SEMA6B: variants seen among roughly 807,000 people sequenced by gnomAD.
SEMA6B encodes the protein semaphorin 6B.
SEMA6B carries 47 observed loss-of-function variants against 78.6 expected under a neutral mutation model. The ratio of observed to expected loss-of-function variants is 0.60; its 90% CI spans 0.47 to 0.76. The LOEUF (loss-of-function observed/expected upper bound fraction) is 0.76. Among genes scored for constraint, SEMA6B ranks in the 30% least tolerant of loss-of-function variants. The pLI, the probability that SEMA6B is intolerant of heterozygous loss-of-function variation, is 0.00. For missense variants in SEMA6B, 1,213 were observed against 1,269.9 expected (o/e 0.96, Z 0.68); for synonymous variants, 632 against 592.2 (o/e 1.07, Z -0.98).
Position 4,559,580 on chromosome 19 carries a change from G to A in SEMA6B, c.-83C>T, listed in dbSNP as rs1352743746. ...GGAGCCCCGAATGAGAAGTTCAGCA[G>A]CCTCGTCCTTCTGGGAAGTATTGGG... On this transcript the variant is annotated 5_prime_UTR_variant, in exon 1 of 17. Coordinates refer to ENST00000586582, the MANE Select transcript of SEMA6B (RefSeq NM_032108.4). The A allele has an allele frequency of 6.6e-6, 1 of 152,286 alleles. No individual in the cohort carries two copies. The allele number at this position is 152,286 out of a possible 1,614,324, so 9.4% of individuals were successfully genotyped here.
At chr19:4,546,497 C>T (rs1248810583) in intron 14 of SEMA6B, 28 bp from the exon 15 acceptor site, 1 of 1,504,712 alleles carries the variant, frequency 6.6e-7, no homozygotes. Context: ...CCGAATGGGA[C>T]AAGTGTCCAA....
Position 4,544,460 on chromosome 19 carries a change from G to A in SEMA6B, c.1808C>T (p.Ser603Leu). The A allele has an allele frequency of 6.3e-7, 1 of 1,599,348 alleles. No individual in the cohort carries two copies. The highest frequency in any genetic ancestry group is 8.5e-7 in the Non-Finnish European group (1 of 1,173,880). ...GGCTCCCACCACGAAGGCCGCCACCGACGACGTTACCAGCAGGTTCACCGA... is the reference window on the plus strand; with the variant it reads ...GGCTCCCACCACGAAGGCCGCCACCAACGACGTTACCAGCAGGTTCACCGA... ...LVSVNLLVTSSVAAFVVGAVV... is the reference protein window; with the variant it reads ...LVSVNLLVTSLVAAFVVGAVV... Residue 603 changes from serine (S) to leucine (L), a missense_variant, in exon 17 of 17, where the codon TCG (serine) becomes TTG (leucine). Ser to Leu is a moderately radical substitution (Grantham distance 145). Coordinates refer to ENST00000586582, the MANE Select transcript of SEMA6B (RefSeq NM_032108.4). The surrounding 1 kb of genome is among the most constrained non-coding windows in gnomAD (Gnocchi z 5.1).
chr19:4,550,716 T>C lies in SEMA6B; in HGVS notation c.1121+83A>G. The C allele has an allele frequency of 3.3e-6, 5 of 1,532,368 alleles. No homozygotes were observed. The highest frequency in any genetic ancestry group is 3.6e-6 in the Non-Finnish European group (4 of 1,124,328). The allele number at this position is 1,532,368 out of a possible 1,614,324, so 94.9% of individuals were successfully genotyped here. A position where few individuals can be genotyped will look rare whatever the true frequency, so the allele number is the denominator to read the frequency against. ...ACAGCTGAACTCAGCATCAGCTAAATAACCACCCGGAAGCCCCAGCCCTCG... is the reference window on the plus strand; with the variant it reads ...ACAGCTGAACTCAGCATCAGCTAAACAACCACCCGGAAGCCCCAGCCCTCG... On this transcript the variant is annotated intron_variant, in intron 11 of 16. Transcript: ENST00000586582. The surrounding 1 kb of genome is among the most constrained non-coding windows in gnomAD (Gnocchi z 6.6).
chr19:4,553,002 C>T (rs1251149364), intron 9 of SEMA6B, among the ~76,000 whole-genome samples: 2 of 152,176 alleles, frequency 1.3e-5, no homozygotes, highest in Non-Finnish European at 2.9e-5. Flanking sequence ...TCCAAGGTCA[C>T]AATAGTAGTT....
rs1324713664 is a variant in SEMA6B, at chr19:4,555,805, G to C, written c.471+183C>G. Reference sequence around the variant, plus strand: ...GTAGCTACGGCTTCCCCGGCCCCCTGTACAGGCCTCGTTTGGACAGCGCTG... The same window carrying C: ...GTAGCTACGGCTTCCCCGGCCCCCTCTACAGGCCTCGTTTGGACAGCGCTG... On this transcript the variant is annotated intron_variant, in intron 6 of 16. Coordinates refer to ENST00000586582, the MANE Select transcript of SEMA6B (RefSeq NM_032108.4). The surrounding 1 kb of genome is among the most constrained non-coding windows in gnomAD (Gnocchi z 6.1). 1.3e-5 allele frequency among the ~76,000 whole-genome samples: 2 copies of C among 152,212 alleles called. No individual in the cohort carries two copies. The highest frequency in any genetic ancestry group is 2.9e-5 in the Non-Finnish European group (2 of 68,036).
Position 4,546,270 on chromosome 19 carries a change from C to T in SEMA6B, c.1684G>A (p.Ala562Thr), listed in dbSNP as rs371965024. ...GCCCCGGACACGTCCTGCTCAAAGG[C>T]GGCTCTAATGGGGAGAGGAGGCACC... Reference protein sequence around the residue: ...CIFLSPGTRAAFEQDVSGAST... With the variant: ...CIFLSPGTRATFEQDVSGAST... The change falls in exon 16 of 17, where the codon GCC becomes ACC. Residue 562 changes from alanine (A) to threonine (T), a missense_variant. Ala to Thr is a moderately conservative substitution (Grantham distance 58). Coordinates refer to ENST00000586582, the MANE Select transcript of SEMA6B (RefSeq NM_032108.4). 21 of 1,613,528 alleles carry T rather than the reference C, an allele frequency of 1.3e-5. No homozygotes were observed. The highest frequency in any genetic ancestry group is 5.5e-5 in the South Asian group (5 of 90,986).
At chr19:4,557,085 G>A (rs2145359792) in intron 4 of SEMA6B, 72 bp from the exon 5 acceptor site, 5 of 1,588,834 alleles carry the variant, frequency 3.1e-6, no homozygotes. Flanking sequence ...GTGCTGGGCC[G>A]AATCCACCCA....
At chr19:4,556,119 C>A (rs780779578) in intron 5 of SEMA6B, 30 bp from the exon 6 acceptor site, 2 of 1,520,978 alleles carry the variant, frequency 1.3e-6, no homozygotes, top group South Asian at 2.2e-5. Flanking sequence ...AAGCGGGGAG[C>A]GCGATGTGGG....
At position 4,543,363 on chromosome 19, in the gene SEMA6B, T is replaced by C. The variant is rs1357732190; in HGVS notation, c.*238A>G. On this transcript the variant is annotated 3_prime_UTR_variant, in exon 17 of 17. Coordinates refer to ENST00000586582, the MANE Select transcript of SEMA6B (RefSeq NM_032108.4). ...GCGCATAAGGTCAACCTCAAATCCA[T>C]AGCAAAGTCCTCCCGCCCACCCACC... The C allele has an allele frequency of 7.2e-6, 3 of 414,402 alleles. No homozygotes were observed. Among genetic ancestry groups the C allele is most frequent in the Admixed American group, 4.2e-5 (1 of 23,804 alleles). The allele number at this position is 414,402 out of a possible 1,614,324, so 25.7% of individuals were successfully genotyped here.
chr19:4,553,969 G>A (rs1977405694), intron 9 of SEMA6B, among the ~76,000 whole-genome samples: 1 of 152,256 alleles, frequency 6.6e-6, no homozygotes, highest in South Asian at 2.1e-4. Context: ...GGATGGTAGT[G>A]GGTGGATGAG....
chr19:4,542,929 GCA>G lies in SEMA6B; in HGVS notation c.*670_*671del. 1 of 700,870 alleles carries G rather than the reference GCA, an allele frequency of 1.4e-6. No homozygotes were observed. The highest frequency in any genetic ancestry group is 2.0e-5 in the Admixed American group (1 of 50,004). 43.4% of individuals were successfully genotyped at this position (700,870 alleles called of 1,614,324 possible). A position where few individuals can be genotyped will look rare whatever the true frequency, so the allele number is the denominator to read the frequency against. ...TGGGGGGGGTTCAAACTCCTAACCG[GCA>G]CCTCGGAGACCCCCGGGCCTTCTGG... On this transcript the variant is annotated 3_prime_UTR_variant, in exon 17 of 17. Coordinates refer to ENST00000586582, the MANE Select transcript of SEMA6B (RefSeq NM_032108.4).
chr19:4,553,537 T>C (rs182396382), intron 9 of SEMA6B, among the ~76,000 whole-genome samples: 230 of 145,742 alleles, frequency 1.6e-3, no homozygotes, highest in African/African-American at 5.8e-3. Flanking sequence ...GATAGATGGG[T>C]GGGTGCATAG....
chr19:4,555,553 C>T lies in SEMA6B; in HGVS notation c.483G>A (p.Leu161=). ...PVCANYSIDT[L]QPVGDNISGM... is the part of the protein sequence containing the mutation. Reference sequence around the variant, plus strand: ...CGCTGATGTTGTCTCCGACGGGCTGCAGGGTGTCTATCTGCAGGGACCATG... The same window carrying T: ...CGCTGATGTTGTCTCCGACGGGCTGTAGGGTGTCTATCTGCAGGGACCATG... Residue 161 remains leucine (L), a synonymous_variant, in exon 7 of 17, where the codon CTG becomes CTA. Transcript: ENST00000586582. This position sits in a 1 kb window ranked among gnomAD's most constrained non-coding sequence, Gnocchi z 6.1. 6.2e-7 allele frequency: 1 copy of T among 1,613,456 alleles called. No individual in the cohort carries two copies. Among genetic ancestry groups the T allele is most frequent in the East Asian group, 2.2e-5 (1 of 44,862 alleles).
chr19:4,544,707 T>G lies in SEMA6B; in HGVS notation c.1739-178A>C, dbSNP rs2145343410. ...CTGGAGTGCAGTGGGGCGATCTCGA[T>G]TCACTGCAACCTCCGCCTCCCATGT... On this transcript the variant is annotated intron_variant, in intron 16 of 16. Transcript: ENST00000586582. This position sits in a 1 kb window ranked among gnomAD's most constrained non-coding sequence, Gnocchi z 5.1. 6.6e-6 allele frequency among the ~76,000 whole-genome samples: 1 copy of G among 151,922 alleles called. No individual in the cohort carries two copies. Among genetic ancestry groups the G allele is most frequent in the South Asian group, 2.1e-4 (1 of 4,802 alleles).
chr19:4,549,714 G>A (rs760423740), intron 12 of SEMA6B, among the ~76,000 whole-genome samples: 3 of 152,194 alleles, frequency 2.0e-5, no homozygotes, highest in Non-Finnish European at 4.4e-5. Context: ...TCCTGGCCTC[G>A]TGATCCGCCT....
intron 10 of SEMA6B, among the ~76,000 whole-genome samples, chr19:4,551,244 G>A (rs111231112): frequency 6.5e-4 from 94 of 143,750 alleles, no homozygotes; most frequent in Middle Eastern, 3.5e-3. Flanking sequence ...TTTGGAGACC[G>A]AGTCTTGCTC....
chr19:4,556,803 G>A (rs1977482351), intron 5 of SEMA6B, 148 bp downstream of exon 5: 1 of 710,224 alleles, frequency 1.4e-6, no homozygotes, highest in East Asian at 2.8e-5. Flanking sequence ...GCCAGGGCTG[G>A]CAGTTGGGCG....
intron 10 of SEMA6B, among the ~76,000 whole-genome samples, chr19:4,551,629 A>C (rs1031740688): frequency 9.2e-5 from 14 of 151,688 alleles, no homozygotes; most frequent in African/African-American, 3.1e-4. Flanking sequence ...CAGGAGTTTG[A>C]GTCCAGCCTG....
intron 12 of SEMA6B, among the ~76,000 whole-genome samples, chr19:4,548,898 C>T (rs534554307): frequency 2.6e-5 from 4 of 152,192 alleles, no homozygotes; most frequent in Admixed American, 2.0e-4. Context: ...TGTAGTGGCT[C>T]GATCTCGCCT....
Sources: allele counts gnomAD v4.1 joint callset (sites outside exome capture counted in the v4.1 genomes callset), GRCh38; gene constraint gnomAD v4.1.1; non-coding constraint Gnocchi (gnomAD v3.1); transcripts MANE v1.5; gene names NCBI Gene and HGNC (gene_info 2026-07-23, HGNC 2026-07-21).